CDH2: variants seen among roughly 807,000 people sequenced by gnomAD.
The protein encoded by CDH2 is cadherin 2.
Under a neutral mutation model 92.0 loss-of-function variants are expected in CDH2, and 17 were observed. The observed-to-expected ratio is 0.18, with a 90% CI of 0.13 to 0.28. The LOEUF (loss-of-function observed/expected upper bound fraction) is 0.28, where lower values mean the gene tolerates loss of function less well. Ranked by LOEUF, CDH2 falls within the 10% of genes least tolerant of loss-of-function variation. The pLI is 1.00. For synonymous variants in CDH2, 419 were observed against 415.9 expected (o/e 1.01, Z -0.09); for missense variants, 862 against 1,133.1 (o/e 0.76, Z 3.44).
At chr18:28,061,904 C>G (rs933907149) in intron 2 of CDH2, among the ~76,000 whole-genome samples, 8 of 152,120 alleles carry the variant, frequency 5.3e-5, no homozygotes, top group African/African-American at 1.9e-4. Flanking sequence ...TCAATTACCT[C>G]CCACCTGGTC....
In CDH2 at chr18:28,019,881, C is replaced by A. The variant is rs186405357; in HGVS notation, c.173-5972G>T. 1.9e-3 allele frequency among the ~76,000 whole-genome samples: 284 copies of A among 152,172 alleles called. 1 individual carries two copies. The highest frequency in any genetic ancestry group is 3.0e-3 in the Non-Finnish European group (202 of 67,990). ...TATATTTAATCAGTTGGGTCAATAT[C>A]TTAGATAAAACTAAGTCAACTGAAA... On this transcript the variant is annotated intron_variant, in intron 2 of 15. Coordinates refer to ENST00000269141, the MANE Select transcript of CDH2 (RefSeq NM_001792.5).
At chr18:27,953,688 A>G (rs1909574230) in intron 15 of CDH2, among the ~76,000 whole-genome samples, 1 of 152,118 alleles carries the variant, frequency 6.6e-6, no homozygotes, top group African/African-American at 2.4e-5. Context: ...TGGTTAAGAG[A>G]TCAGACTGTG....
chr18:28,015,377 G>A (rs2013216691), intron 2 of CDH2, among the ~76,000 whole-genome samples: 1 of 152,116 alleles, frequency 6.6e-6, no homozygotes, highest in African/African-American at 2.4e-5. Context: ...CAAAATGTTT[G>A]TCTTTGGAGT....
chr18:28,019,822 C>T (rs1325291111), intron 2 of CDH2, among the ~76,000 whole-genome samples: 1 of 152,098 alleles, frequency 6.6e-6, no homozygotes, highest in African/African-American at 2.4e-5. Context: ...TATTCAGGCT[C>T]TATGGAATGT....
chr18:28,016,644 A>C (rs2013255965), intron 2 of CDH2, among the ~76,000 whole-genome samples: 1 of 152,184 alleles, frequency 6.6e-6, no homozygotes, highest in African/African-American at 2.4e-5. Context: ...ACTTCAAGTC[A>C]TCTATGCACA....
At chr18:28,169,384 A>C (rs2016431529) in intron 1 of CDH2, among the ~76,000 whole-genome samples, 1 of 152,234 alleles carries the variant, frequency 6.6e-6, no homozygotes, top group African/African-American at 2.4e-5. Context: ...AAGAAAACTC[A>C]AAGTGTATTT....
At chr18:27,987,700 T>A (rs192411516) in intron 11 of CDH2, among the ~76,000 whole-genome samples, 80 of 152,336 alleles carry the variant, frequency 5.3e-4, no homozygotes, top group African/African-American at 1.9e-3. Flanking sequence ...AGCCACTGTT[T>A]CAAATGCTTC....
chr18:28,172,972 C>T (rs769229207), intron 1 of CDH2, among the ~76,000 whole-genome samples: 2 of 151,984 alleles, frequency 1.3e-5, no homozygotes, highest in Non-Finnish European at 2.9e-5. Context: ...CTATTAATAA[C>T]CCTAAAGCTT....
rs2012895025 is a variant in CDH2 at position 28,005,663 on chromosome 18, T to C, written c.847+186A>G. 2.0e-5 allele frequency among the ~76,000 whole-genome samples: 3 copies of C among 152,160 alleles called. No individual in the cohort carries two copies. In the South Asian group the frequency reaches 6.2e-4, roughly 32 times the overall value. On this transcript the variant is annotated intron_variant, in intron 6 of 15. Transcript: ENST00000269141. The stretch of plus-strand genomic sequence containing the variant: ...CAGTATGAGTAATAAGAAGGATTTT[T>C]TTTTTGTTTTTCTCTCTTCAATTGG...
At chr18:27,955,099 A>G (rs1211046255) in intron 15 of CDH2, among the ~76,000 whole-genome samples, 2 of 152,174 alleles carry the variant, frequency 1.3e-5, no homozygotes, top group African/African-American at 4.8e-5. Context: ...CAACAGAGAC[A>G]ATGGCTAAGA....
intron 1 of CDH2, among the ~76,000 whole-genome samples, chr18:28,155,555 T>C (rs928193160): frequency 1.3e-5 from 2 of 152,168 alleles, no homozygotes; most frequent in East Asian, 1.9e-4. Context: ...ATTCCCTTCA[T>C]GATACGTGAT....
intron 6 of CDH2, among the ~76,000 whole-genome samples, chr18:27,943,021 C>T (rs1015731859): frequency 1.3e-5 from 2 of 152,172 alleles, no homozygotes; most frequent in Non-Finnish European, 2.9e-5. Context: ...CACACCCACA[C>T]TTCTATGCTT....
intron 2 of CDH2, among the ~76,000 whole-genome samples, chr18:28,019,939 T>C (rs1172604600): frequency 6.6e-6 from 1 of 152,168 alleles, no homozygotes; most frequent in African/African-American, 2.4e-5. Context: ...AGTCCTGACT[T>C]GATCCTGTGG....
intron 1 of CDH2, among the ~76,000 whole-genome samples, chr18:28,171,768 A>G (rs767426762): frequency 2.0e-4 from 31 of 152,272 alleles, no homozygotes; most frequent in Middle Eastern, 3.4e-3. Flanking sequence ...ACAGTCTCTT[A>G]GAGATCAACT....
chr18:27,976,695 T>C (rs2011842474), intron 14 of CDH2, among the ~76,000 whole-genome samples: 1 of 152,200 alleles, frequency 6.6e-6, no homozygotes, highest in Admixed American at 6.5e-5. Flanking sequence ...CTTAGTACAG[T>C]GCCTAACACA....
At chr18:28,043,661 T>C (rs895951744) in intron 2 of CDH2, among the ~76,000 whole-genome samples, 2 of 150,630 alleles carry the variant, frequency 1.3e-5, no homozygotes, top group African/African-American at 2.4e-5. Context: ...TTGAAATAAA[T>C]TCCCCACCAG....
intron 2 of CDH2, among the ~76,000 whole-genome samples, chr18:28,122,931 T>A (rs1598490875): frequency 6.6e-6 from 1 of 152,148 alleles, no homozygotes; most frequent in Admixed American, 6.6e-5. Context: ...TTTATCAAGA[T>A]AGATGTTTCT....
chr18:28,153,794 G>A (rs548955649), intron 1 of CDH2, among the ~76,000 whole-genome samples: 9 of 152,310 alleles, frequency 5.9e-5, no homozygotes, highest in Non-Finnish European at 8.8e-5. Context: ...TCTGGCACAT[G>A]GTTATTCAAT....
intron 15 of CDH2, 59 bp from the exon 16 acceptor site, chr18:27,952,418 C>T: frequency 7.5e-7 from 1 of 1,327,470 alleles, no homozygotes; most frequent in Non-Finnish European, 1.1e-6. Flanking sequence ...TTTACAAAAC[C>T]ACAAGCAGAT....
Sources: gnomAD v4.1 joint callset for allele counts (sites outside exome capture counted in the v4.1 genomes callset) on GRCh38, gnomAD v4.1.1 for gene constraint, MANE v1.5 for transcripts, NCBI Gene and HGNC (gene_info 2026-07-23, HGNC 2026-07-21) for gene names.